The following PLCXD3 variants were observed in gnomAD, a reference collection of about 807,000 sequenced individuals.
PLCXD3 encodes PI-PLC X domain-containing protein 3.
Under a neutral mutation model 25.5 loss-of-function variants are expected in PLCXD3, and 19 were observed. The observed-to-expected ratio is 0.75, with a 90% CI of 0.52 to 1.09. PLCXD3 has a LOEUF of 1.09. PLCXD3 is among the 50% of genes least tolerant of loss of function. The pLI is 0.00. For missense variants in PLCXD3, 411 were observed against 388.1 expected, an observed-to-expected ratio of 1.06 and a Z score of -0.50; for synonymous variants, 174 against 137.6, an observed-to-expected ratio of 1.26 and a Z score of -1.85.
intron 2 of PLCXD3, among the ~76,000 whole-genome samples, chr5:41,343,512 G>T (rs1744218590): frequency 6.6e-6 from 1 of 152,038 alleles, no homozygotes; most frequent in South Asian, 2.1e-4. Flanking sequence ...AAAATAAATG[G>T]TCTATTCAGT....
At chr5:41,371,694 C>T (rs574568756) in intron 2 of PLCXD3, among the ~76,000 whole-genome samples, 3 of 152,280 alleles carry the variant, frequency 2.0e-5, no homozygotes, top group East Asian at 3.9e-4. Flanking sequence ...CGTTCAACTA[C>T]ATGTTTGTGC....
rs534951765 is a variant in PLCXD3, at chr5:41,342,597, C to T, written c.813-28827G>A. ...CCTTCCAAAACTGAAATAAAATGTA[C>T]AGAAAGCTTTGTAAATTTAATGTGG... On this transcript the variant is annotated intron_variant, in intron 2 of 2. Transcript: ENST00000377801. 5.3e-5 allele frequency among the ~76,000 whole-genome samples: 8 copies of T among 152,186 alleles called. No homozygotes were observed. In the South Asian group the frequency reaches 1.7e-3, roughly 32 times the overall value.
rs184788321 is a variant in PLCXD3, at chr5:41,406,085, C to T, written c.104-23551G>A. ...ACATTTGATACAGCTATGCTTCCTT[C>T]TCGAAATATTTTCCTCCTTTGGTTT... On this transcript the variant is annotated intron_variant, in intron 1 of 2. Coordinates refer to ENST00000377801, the MANE Select transcript of PLCXD3 (RefSeq NM_001005473.3). Among the ~76,000 whole-genome samples, 291 of 152,128 alleles carry T rather than the reference C, an allele frequency of 1.9e-3. 3 individuals are homozygous for T. Among genetic ancestry groups the T allele is most frequent in the South Asian group, 5.2e-3 (25 of 4,820 alleles).
chr5:41,410,603 GA>G (rs1204454103), intron 1 of PLCXD3, among the ~76,000 whole-genome samples: 1 of 152,140 alleles, frequency 6.6e-6, no homozygotes, highest in African/African-American at 2.4e-5. Context: ...GCTCAGCACT[GA>G]CAGCTGTCCT....
At chr5:41,381,251 G>T (rs533765813) in intron 2 of PLCXD3, among the ~76,000 whole-genome samples, 5 of 152,220 alleles carry the variant, frequency 3.3e-5, no homozygotes, top group African/African-American at 1.2e-4. Flanking sequence ...GAAAAAGGGT[G>T]CTATGAAAAG....
At chr5:41,437,078 C>T (rs531766954) in intron 1 of PLCXD3, among the ~76,000 whole-genome samples, 1 of 152,324 alleles carries the variant, frequency 6.6e-6, no homozygotes, top group South Asian at 2.1e-4. Flanking sequence ...CCCATTCTCA[C>T]ATTAAAGACT....
At chr5:41,394,324 G>C (rs1406436041) in intron 1 of PLCXD3, among the ~76,000 whole-genome samples, 1 of 151,940 alleles carries the variant, frequency 6.6e-6, no homozygotes, top group Non-Finnish European at 1.5e-5. Flanking sequence ...TACATAAAAA[G>C]TAAAAAGCAA....
chr5:41,364,397 C>G (rs72755986), intron 2 of PLCXD3, among the ~76,000 whole-genome samples: 1,880 of 152,214 alleles, frequency 0.012, 20 homozygotes, highest in Middle Eastern at 0.024. Flanking sequence ...CTTTGGTAAT[C>G]AAAGAGTAAA....
At chr5:41,405,479 A>G (rs1249318699) in intron 1 of PLCXD3, among the ~76,000 whole-genome samples, 3 of 152,088 alleles carry the variant, frequency 2.0e-5, no homozygotes, top group Non-Finnish European at 2.9e-5. Flanking sequence ...AACACTTGTT[A>G]TGTTCACTAA....
intron 1 of PLCXD3, among the ~76,000 whole-genome samples, chr5:41,440,950 A>G (rs577325016): frequency 1.3e-5 from 2 of 152,350 alleles, no homozygotes; most frequent in East Asian, 3.9e-4. Context: ...TGAGCTACCT[A>G]GGAGTCTCGG....
chr5:41,502,433 G>A (rs1256483708), intron 1 of PLCXD3, among the ~76,000 whole-genome samples: 1 of 152,026 alleles, frequency 6.6e-6, no homozygotes, highest in South Asian at 2.1e-4. Flanking sequence ...TGATGGGTCA[G>A]AGCACATCAA....
At chr5:41,435,124 G>A (rs1032434423) in intron 1 of PLCXD3, among the ~76,000 whole-genome samples, 2 of 152,126 alleles carry the variant, frequency 1.3e-5, no homozygotes, top group Admixed American at 6.5e-5. Flanking sequence ...AAGGCACAAA[G>A]GATTTTAAAT....
intron 1 of PLCXD3, among the ~76,000 whole-genome samples, chr5:41,452,766 T>C (rs947915254): frequency 2.0e-5 from 3 of 152,002 alleles, no homozygotes; most frequent in African/African-American, 7.2e-5. Context: ...GTATCAGAAA[T>C]TTGAAAGCAT....
intron 2 of PLCXD3, among the ~76,000 whole-genome samples, chr5:41,373,736 G>C (rs1337240680): frequency 6.6e-6 from 1 of 152,066 alleles, no homozygotes; most frequent in Non-Finnish European, 1.5e-5. Context: ...GCACTGGGGA[G>C]GAAGTTGGGA....
At chr5:41,499,040 G>T (rs888977135) in intron 1 of PLCXD3, among the ~76,000 whole-genome samples, 1 of 151,532 alleles carries the variant, frequency 6.6e-6, no homozygotes, top group Non-Finnish European at 1.5e-5. Context: ...CAAGCCCATA[G>T]TCATACTCAA....
chr5:41,408,964 C>T (rs564822816), intron 1 of PLCXD3, among the ~76,000 whole-genome samples: 1 of 152,060 alleles, frequency 6.6e-6, no homozygotes, highest in Non-Finnish European at 1.5e-5. Context: ...AACACTATTG[C>T]CTTGGCTATT....
intron 1 of PLCXD3, among the ~76,000 whole-genome samples, chr5:41,406,061 C>T (rs1746341626): frequency 6.6e-6 from 1 of 152,054 alleles, no homozygotes; most frequent in African/African-American, 2.4e-5. Context: ...CTTTCTGGAA[C>T]ATTTGATACA....
rs552935452 is a variant in PLCXD3, at chr5:41,396,431, A to G, written c.104-13897T>C. On this transcript the variant is annotated intron_variant, in intron 1 of 2. Coordinates refer to ENST00000377801, the MANE Select transcript of PLCXD3 (RefSeq NM_001005473.3). ...GAGGCCTCTCAGCCATGCTTCATTT[A>G]CAGCATGTGGAACTGTGAGTCAATT... is the stretch of plus-strand genomic sequence containing the variant. Among the ~76,000 whole-genome samples, 3 of 152,280 alleles carry G rather than the reference A, an allele frequency of 2.0e-5. No homozygotes were observed. In the East Asian group the frequency reaches 5.8e-4, roughly 29 times the overall value.
intron 1 of PLCXD3, among the ~76,000 whole-genome samples, chr5:41,428,374 G>GTTTTTTTTT (rs373244601): frequency 2.2e-5 from 2 of 91,600 alleles, no homozygotes; most frequent in African/African-American, 7.9e-5. Context: ...GTTAAAATGA[G>GTTTTTTTTT]TTTTTTTGTT....
Sources: gnomAD v4.1 joint callset for allele counts (sites outside exome capture counted in the v4.1 genomes callset) on GRCh38, gnomAD v4.1.1 for gene constraint, MANE v1.5 for transcripts, NCBI Gene and HGNC (gene_info 2026-07-23, HGNC 2026-07-21) for gene names.